The following CHD7 variants were observed in gnomAD, a reference collection of about 807,000 sequenced individuals.
CHD7 encodes ATP-dependent chromatin remodeler CHD7.
Under a neutral mutation model 307.3 loss-of-function variants are expected in CHD7, and 24 were observed. The observed-to-expected ratio is 0.08, with a 90% CI of 0.06 to 0.11. The LOEUF (loss-of-function observed/expected upper bound fraction) is 0.11. Ranked by LOEUF, CHD7 falls within the 10% of genes least tolerant of loss-of-function variation. CHD7 has a pLI of 1.00. For synonymous variants in CHD7, 1,363 were observed against 1,349.9 expected (o/e 1.01, Z -0.21); for missense variants, 3,106 against 3,727.1 (o/e 0.83, Z 4.34).
At chr8:60,753,037 C>T (rs1809712395) in intron 2 of CHD7, among the ~76,000 whole-genome samples, 1 of 152,218 alleles carries the variant, frequency 6.6e-6, no homozygotes, top group African/African-American at 2.4e-5. Flanking sequence ...ACTAAGCTAA[C>T]TCCATTTTTG....
In CHD7 at chr8:60,865,167, C is replaced by G. The variant is rs1806181529; in HGVS notation, c.8228C>G (p.Pro2743Arg). The G allele has an allele frequency of 6.2e-7, 1 of 1,612,218 alleles. No individual in the cohort carries two copies. Among genetic ancestry groups the G allele is most frequent in the East Asian group, 2.2e-5 (1 of 44,842 alleles). Residue 2743 changes from proline to arginine, a missense_variant, in exon 38 of 38, where the codon CCT becomes CGT. By Grantham distance (103) the Pro-to-Arg change is moderately radical. Around this residue, in one of 10 missense-constraint regions of CHD7, gnomAD observed 351 missense variants for 366.2 expected, o/e 0.96. Coordinates refer to ENST00000423902, the MANE Select transcript of CHD7 (RefSeq NM_017780.4). This position sits in a 1 kb window ranked among gnomAD's most constrained non-coding sequence, Gnocchi z 4.3. ...GTGGCCTCCACGTCAGGGATCAACC[C>G]TTTGCTGGTGAACAGCCTGTTTGCT... ...AAVASTSGIN[P>R]LLVNSLFAGM...
intron 1 of CHD7, among the ~76,000 whole-genome samples, chr8:60,689,472 T>C (rs1806085226): frequency 6.6e-6 from 1 of 152,240 alleles, no homozygotes; most frequent in South Asian, 2.1e-4. Context: ...TAAATTTGTC[T>C]AAGATCATAG....
At chr8:60,778,876 C>G (rs1051366559) in intron 2 of CHD7, among the ~76,000 whole-genome samples, 2 of 152,182 alleles carry the variant, frequency 1.3e-5, no homozygotes, top group Admixed American at 6.5e-5. Flanking sequence ...ATAATTTGGA[C>G]AGTGCCTCTG....
chr8:60,850,487 G>T lies in CHD7; in HGVS notation c.5405-6G>T. ...TGTTTTCTGTGCACGGATGGGCACG[G>T]CACAGGCTATGAGAAGTACAACTCC... is the stretch of plus-strand genomic sequence containing the variant. On this transcript the variant is annotated splice_polypyrimidine_tract_variant and splice_region_variant and intron_variant, in intron 25 of 37. Coordinates refer to ENST00000423902, the MANE Select transcript of CHD7 (RefSeq NM_017780.4). The T allele has an allele frequency of 1.9e-6, 3 of 1,604,882 alleles. No homozygotes were observed. Among genetic ancestry groups the T allele is most frequent in the Non-Finnish European group, 2.6e-6 (3 of 1,172,282 alleles).
intron 1 of CHD7, among the ~76,000 whole-genome samples, chr8:60,713,753 A>G (rs1807402480): frequency 6.6e-6 from 1 of 151,994 alleles, no homozygotes; most frequent in African/African-American, 2.4e-5. Flanking sequence ...ATTCCAGGAG[A>G]AGCCAGGGAA....
chr8:60,786,912 T>C lies in CHD7; in HGVS notation c.2096+5482T>C, dbSNP rs552598216. On this transcript the variant is annotated intron_variant, in intron 3 of 37. Transcript: ENST00000423902. ...TCTTCGGGTGCTTGTGCAAAGCCAC[T>C]GTGCAGAGCATCAGTCATCTGAAAT... Among the ~76,000 whole-genome samples the C allele has an allele frequency of 9.2e-4, 140 of 152,332 alleles. 1 individual carries two copies. The highest frequency in any genetic ancestry group is 3.1e-3 in the African/African-American group (130 of 41,576).
chr8:60,852,449 T>TA, intron 29 of CHD7, 49 bp from the exon 30 acceptor site: 1 of 1,521,472 alleles, frequency 6.6e-7, no homozygotes, highest in Non-Finnish European at 9.0e-7. Context: ...CAGTAAATAT[T>TA]AAGTCTTTTC....
intron 21 of CHD7, among the ~76,000 whole-genome samples, chr8:60,843,526 C>T (rs1313925956): frequency 6.6e-6 from 1 of 152,206 alleles, no homozygotes; most frequent in Non-Finnish European, 1.5e-5. Flanking sequence ...TGTCTAGGAT[C>T]CTCTCAGTCA....
intron 2 of CHD7, among the ~76,000 whole-genome samples, chr8:60,753,874 C>T (rs1258871869): frequency 6.6e-6 from 1 of 152,030 alleles, no homozygotes; most frequent in African/African-American, 2.4e-5. Flanking sequence ...ATCCACCTGC[C>T]TCAGCCTCCC....
At chr8:60,827,368 G>A (rs935339011) in intron 13 of CHD7, among the ~76,000 whole-genome samples, 1 of 152,052 alleles carries the variant, frequency 6.6e-6, no homozygotes, top group Non-Finnish European at 1.5e-5. Flanking sequence ...TTAATTTAAT[G>A]TCGTAATAAA....
At chr8:60,833,370 A>T (rs1254447501) in intron 15 of CHD7, among the ~76,000 whole-genome samples, 1 of 152,214 alleles carries the variant, frequency 6.6e-6, no homozygotes, top group African/African-American at 2.4e-5. Flanking sequence ...AACATGTCCA[A>T]GGTACCCTGC....
chr8:60,839,409 G>A (rs938242765), intron 19 of CHD7, among the ~76,000 whole-genome samples: 9 of 152,316 alleles, frequency 5.9e-5, no homozygotes, highest in Non-Finnish European at 1.3e-4. Context: ...ACAAGGTTTT[G>A]TATGGACTTG....
intron 13 of CHD7, chr8:60,824,354 A>T (rs764199322): frequency 2.8e-6 from 1 of 361,470 alleles, no homozygotes; most frequent in Non-Finnish European, 4.9e-6. Context: ...GAGTACCCAC[A>T]TAATGCTAAA....
chr8:60,842,861 G>A (rs1473334685), intron 21 of CHD7, among the ~76,000 whole-genome samples: 1 of 152,144 alleles, frequency 6.6e-6, no homozygotes, highest in Non-Finnish European at 1.5e-5. Context: ...TTTCCCATGG[G>A]TAGTCCAAGC....
At chr8:60,744,770 G>A (rs1489054812) in intron 2 of CHD7, among the ~76,000 whole-genome samples, 1 of 151,476 alleles carries the variant, frequency 6.6e-6, no homozygotes, top group South Asian at 2.1e-4. Flanking sequence ...CAAGAGAGTC[G>A]CTTGAACCTG....
At chr8:60,683,908 G>GA (rs1805751796) in intron 1 of CHD7, among the ~76,000 whole-genome samples, 1 of 99,354 alleles carries the variant, frequency 1.0e-5, no homozygotes, top group South Asian at 4.4e-4. Flanking sequence ...TGTTTTTGGA[G>GA]GTTTTTTTTT....
At chr8:60,862,452 C>A in intron 36 of CHD7, 96 bp from the exon 37 acceptor site, 1 of 1,453,658 alleles carries the variant, frequency 6.9e-7, no homozygotes, top group Non-Finnish European at 9.4e-7. Context: ...TGCGTGTGTG[C>A]GTGTATGTGT....
intron 2 of CHD7, among the ~76,000 whole-genome samples, chr8:60,760,535 C>T (rs1395763322): frequency 7.1e-6 from 1 of 141,820 alleles, no homozygotes; most frequent in Non-Finnish European, 1.5e-5. Flanking sequence ...GCAAAAGAAA[C>T]TACCATCAGA....
At chr8:60,680,055 C>T (rs1394078344) in intron 1 of CHD7, among the ~76,000 whole-genome samples, 2 of 151,606 alleles carry the variant, frequency 1.3e-5, no homozygotes, top group Non-Finnish European at 2.9e-5. Flanking sequence ...CCGGCGGCGG[C>T]AGCTGCATAA....
Sources: gnomAD v4.1 joint callset for allele counts (sites outside exome capture counted in the v4.1 genomes callset) on GRCh38, gnomAD v4.1.1 for gene constraint, gnomAD v4.1.1 regional missense constraint, Gnocchi (gnomAD v3.1) non-coding constraint, MANE v1.5 for transcripts, NCBI Gene and HGNC (gene_info 2026-07-23, HGNC 2026-07-21) for gene names.